Variants in USH2A observed in about 807,000 individuals in gnomAD.
USH2A encodes the protein usherin.
A neutral mutation model predicts 538.9 loss-of-function variants in USH2A; 443 were observed. That is an observed-to-expected ratio of 0.82 (90% CI 0.76 to 0.89). USH2A has a LOEUF of 0.89. USH2A is among the 40% of genes least tolerant of loss of function. The probability of loss-of-function intolerance (pLI) is 0.00; values close to 1 mark genes in which losing one functional copy is unlikely to be tolerated. For synonymous variants in USH2A, 2,413 were observed against 2,273.5 expected, an observed-to-expected ratio of 1.06 and a Z score of -1.75; for missense variants, 6,633 against 6,324.8, an observed-to-expected ratio of 1.05 and a Z score of -1.65.
intron 30 of USH2A, among the ~76,000 whole-genome samples, chr1:216,055,836 A>G (rs1455383463): frequency 6.6e-6 from 1 of 152,242 alleles, no homozygotes; most frequent in Non-Finnish European, 1.5e-5. Context: ...CCCAAACCTA[A>G]GGTAATCCCT....
In USH2A at chr1:216,287,955, T is replaced by C. The variant is rs370244676; in HGVS notation, c.1971+1325A>G. ...TGACAAATACTTATTGGGGGCTTTTTATATGATCGAAACTGTTCTGTTTAT... is the reference window on the plus strand; with the variant it reads ...TGACAAATACTTATTGGGGGCTTTTCATATGATCGAAACTGTTCTGTTTAT... On this transcript the variant is annotated intron_variant, in intron 11 of 71. Transcript: ENST00000307340. Among the ~76,000 whole-genome samples, 12 of 152,294 alleles carry C rather than the reference T, an allele frequency of 7.9e-5. 1 individual carries two copies. Among genetic ancestry groups the C allele is most frequent in the Admixed American group, 3.3e-4 (5 of 15,292 alleles).
chr1:215,936,185 A>G (rs1411140912), intron 37 of USH2A, among the ~76,000 whole-genome samples: 6 of 152,074 alleles, frequency 3.9e-5, no homozygotes, highest in Non-Finnish European at 8.8e-5. Context: ...TTGAGCTTCA[A>G]AGAGAAGAAC....
At chr1:216,077,951 A>T in intron 27 of USH2A, 138 bp downstream of exon 27, 2 of 1,087,048 alleles carry the variant, frequency 1.8e-6, no homozygotes, top group Non-Finnish European at 2.7e-6. Flanking sequence ...TTTAAGGTTT[A>T]AATTTCTCCA....
At chr1:215,955,471 A>G (rs928892565) in intron 37 of USH2A, among the ~76,000 whole-genome samples, 1 of 152,212 alleles carries the variant, frequency 6.6e-6, no homozygotes, top group Admixed American at 6.5e-5. Flanking sequence ...CAAGCTAGAT[A>G]CATGCTTTCT....
intron 21 of USH2A, among the ~76,000 whole-genome samples, chr1:216,116,152 T>C (rs1287270357): frequency 2.0e-5 from 3 of 151,758 alleles, no homozygotes; most frequent in Non-Finnish European, 4.4e-5. Flanking sequence ...AGTTCTAGTT[T>C]CATGTTTTAT....
intron 71 of USH2A, among the ~76,000 whole-genome samples, chr1:215,627,199 C>T (rs934213403): frequency 6.6e-6 from 1 of 152,068 alleles, no homozygotes; most frequent in Non-Finnish European, 1.5e-5. Context: ...AAGTCATCAA[C>T]TTTTCAGTGA....
intron 21 of USH2A, among the ~76,000 whole-genome samples, chr1:216,165,158 G>A (rs765471938): frequency 1.3e-5 from 2 of 152,126 alleles, no homozygotes; most frequent in Non-Finnish European, 2.9e-5. Context: ...TGTTTTTAAA[G>A]CACTTTCAAG....
At chr1:215,626,218 A>G (rs1558026647) in intron 71 of USH2A, among the ~76,000 whole-genome samples, 1 of 150,188 alleles carries the variant, frequency 6.7e-6, no homozygotes, top group Non-Finnish European at 1.5e-5. Context: ...AGCTGGGGGT[A>G]TATATATATA....
intron 44 of USH2A, among the ~76,000 whole-genome samples, chr1:215,863,538 C>T (rs1664386124): frequency 6.6e-6 from 1 of 152,114 alleles, no homozygotes; most frequent in African/African-American, 2.4e-5. Flanking sequence ...TTTAAACTTG[C>T]CCTCTTAATG....
chr1:215,836,034 A>C (rs1051580855), intron 47 of USH2A, among the ~76,000 whole-genome samples: 2 of 152,060 alleles, frequency 1.3e-5, no homozygotes, highest in African/African-American at 4.8e-5. Context: ...AGGAAAAAAA[A>C]CCTAGAGACA....
At chr1:215,724,277 G>A (rs912840658) in intron 61 of USH2A, among the ~76,000 whole-genome samples, 5 of 151,484 alleles carry the variant, frequency 3.3e-5, no homozygotes, top group African/African-American at 1.2e-4. Flanking sequence ...ATACTACTCA[G>A]CCATAAAAAA....
chr1:216,280,818 G>A (rs181022135), intron 11 of USH2A, among the ~76,000 whole-genome samples: 120 of 152,280 alleles, frequency 7.9e-4, no homozygotes, highest in Non-Finnish European at 1.0e-3. Flanking sequence ...TAGAGCGCAC[G>A]ACACAGTCAC....
At chr1:216,226,459 A>T (rs1451592919) in intron 14 of USH2A, among the ~76,000 whole-genome samples, 1 of 152,142 alleles carries the variant, frequency 6.6e-6, no homozygotes, top group African/African-American at 2.4e-5. Flanking sequence ...ATAATCAGAG[A>T]AGGTAGCTTG....
In USH2A at chr1:215,761,450, G is replaced by A. The variant is rs367907179; in HGVS notation, c.11048-1607C>T. Among the ~76,000 whole-genome samples the A allele has an allele frequency of 9.9e-5, 15 of 152,158 alleles. No homozygotes were observed. In the East Asian group the frequency reaches 2.5e-3, roughly 25 times the overall value. ...TACTATTATTTTTACATTATATGAT[G>A]GTGCAGTCCTCTCCTTTCTCTTACT... On this transcript the variant is annotated intron_variant, in intron 56 of 71. Coordinates refer to ENST00000307340, the MANE Select transcript of USH2A (RefSeq NM_206933.4).
chr1:216,365,154 C>A, intron 3 of USH2A, 69 bp from the exon 4 acceptor site: 1 of 1,533,804 alleles, frequency 6.5e-7, no homozygotes, highest in Middle Eastern at 1.8e-4. Context: ...CACATTTCAG[C>A]AGTTTTTATT....
At chr1:216,206,037 A>G (rs1049746191) in intron 16 of USH2A, among the ~76,000 whole-genome samples, 3 of 152,176 alleles carry the variant, frequency 2.0e-5, no homozygotes, top group African/African-American at 7.2e-5. Flanking sequence ...GCTGTGTTCT[A>G]TCTCTGCGGA....
chr1:216,262,356 C>T (rs1278226764), intron 11 of USH2A, among the ~76,000 whole-genome samples: 1 of 151,776 alleles, frequency 6.6e-6, no homozygotes, highest in Admixed American at 6.6e-5. Flanking sequence ...ATCAGAAATT[C>T]AACAAGAAAT....
At chr1:216,155,225 C>T (rs889344209) in intron 21 of USH2A, among the ~76,000 whole-genome samples, 18 of 152,116 alleles carry the variant, frequency 1.2e-4, no homozygotes, top group African/African-American at 4.3e-4. Flanking sequence ...CTCCTCCCTT[C>T]TCAGAGACTA....
chr1:215,668,191 G>A (rs971107323), intron 64 of USH2A, among the ~76,000 whole-genome samples: 1 of 152,176 alleles, frequency 6.6e-6, no homozygotes, highest in Non-Finnish European at 1.5e-5. Context: ...TGCAGATGAA[G>A]TAACCCTCAA....
Sources: gnomAD v4.1 joint callset for allele counts (sites outside exome capture counted in the v4.1 genomes callset) on GRCh38, gnomAD v4.1.1 for gene constraint, MANE v1.5 for transcripts, NCBI Gene and HGNC (gene_info 2026-07-23, HGNC 2026-07-21) for gene names.